Variants in ZDHHC13 observed in about 807,000 individuals in gnomAD.
ZDHHC13 encodes palmitoyltransferase ZDHHC13.
In ZDHHC13, 85 loss-of-function variants were observed where a neutral mutation model predicts 86.0. The ratio of observed to expected loss-of-function variants is 0.99; its 90% CI spans 0.83 to 1.18. The LOEUF (loss-of-function observed/expected upper bound fraction) is 1.18, where lower values mean the gene tolerates loss of function less well. Among genes scored for constraint, ZDHHC13 ranks in the 50% most tolerant of loss-of-function variants. The pLI, the probability that ZDHHC13 is intolerant of heterozygous loss-of-function variation, is 0.00. For synonymous variants in ZDHHC13, 263 were observed against 246.4 expected, an observed-to-expected ratio of 1.07 and a Z score of -0.63; for missense variants, 711 against 730.2, an observed-to-expected ratio of 0.97 and a Z score of 0.30.
Position 19,163,404 on chromosome 11 carries a change from G to A in ZDHHC13, c.1210G>A (p.Ala404Thr), listed in dbSNP as rs183284767. The change falls in exon 11 of 17, where the codon GCT (alanine) becomes ACT (threonine). Residue 404 changes from alanine (A) to threonine (T), a missense_variant. Physicochemically the swap from Ala to Thr is moderately conservative, Grantham distance 58 (BLOSUM62 0). Coordinates refer to ENST00000446113, the MANE Select transcript of ZDHHC13 (RefSeq NM_019028.3). Reference protein sequence around the residue: ...TWATDPGFTKASEEEKKVNII... With the variant: ...TWATDPGFTKTSEEEKKVNII... Reference sequence around the variant, plus strand: ...GGCAACTGATCCAGGCTTCACTAAGGCTTCTGAAGAAGAAAAGAAAGTGGT... The same window carrying A: ...GGCAACTGATCCAGGCTTCACTAAGACTTCTGAAGAAGAAAAGAAAGTGGT... 8.5e-3 allele frequency: 13,658 copies of A among 1,597,988 alleles called. 90 individuals are homozygous for A. Among genetic ancestry groups the A allele is most frequent in the Non-Finnish European group, 0.01 (12,044 of 1,174,320 alleles).
intron 1 of ZDHHC13, among the ~76,000 whole-genome samples, chr11:19,123,229 A>G (rs762553453): frequency 1.3e-5 from 2 of 152,228 alleles, no homozygotes; most frequent in Non-Finnish European, 2.9e-5. Flanking sequence ...AACTTTATAC[A>G]TGAAAAATAA....
intron 1 of ZDHHC13, among the ~76,000 whole-genome samples, chr11:19,124,169 T>C (rs924721955): frequency 2.6e-5 from 4 of 151,932 alleles, no homozygotes; most frequent in African/African-American, 4.8e-5. Flanking sequence ...AATGGAACAA[T>C]AGTGAAATAT....
In ZDHHC13 at chr11:19,175,833, T is replaced by C. The variant is rs1850348933; in HGVS notation, c.1742T>C (p.Met581Thr). ...TTTTTTCTTGGCAGTCTTGGATTCA[T>C]GCAGAACCTGGCAGATTTCTTTCAG... is the stretch of plus-strand genomic sequence containing the variant. Reference protein sequence around the residue: ...LRKTPYNLGFMQNLADFFQCG... With the variant: ...LRKTPYNLGFTQNLADFFQCG... The change falls in exon 17 of 17, where the codon ATG becomes ACG. Residue 581 changes from methionine (M) to threonine (T), a missense_variant. Transcript: ENST00000446113. The C allele has an allele frequency of 6.2e-7, 1 of 1,612,836 alleles. No homozygotes were observed.
At chr11:19,161,888 T>G (rs1849920851) in intron 10 of ZDHHC13, among the ~76,000 whole-genome samples, 1 of 152,088 alleles carries the variant, frequency 6.6e-6, no homozygotes, top group Non-Finnish European at 1.5e-5. Flanking sequence ...AGCAAGTATA[T>G]TCTCACATAG....
intron 1 of ZDHHC13, among the ~76,000 whole-genome samples, chr11:19,139,614 C>A (rs1249544999): frequency 3.3e-5 from 5 of 151,452 alleles, no homozygotes; most frequent in Non-Finnish European, 7.4e-5. Flanking sequence ...CAAGTCAATC[C>A]TAAGCCAAAA....
chr11:19,123,002 C>A (rs964150797), intron 1 of ZDHHC13, among the ~76,000 whole-genome samples: 20 of 152,136 alleles, frequency 1.3e-4, no homozygotes, highest in African/African-American at 4.6e-4. Context: ...TTAAAGTTGC[C>A]ATTTAATCAT....
chr11:19,152,136 G>C (rs1306135697), intron 6 of ZDHHC13, 22 bp from the exon 7 acceptor site: 1 of 1,607,130 alleles, frequency 6.2e-7, no homozygotes. Context: ...ATGCCTCTTG[G>C]TATTTTATTA....
chr11:19,152,078 TA>T, intron 6 of ZDHHC13, 79 bp from the exon 7 acceptor site: 1 of 1,460,218 alleles, frequency 6.8e-7, no homozygotes, highest in Non-Finnish European at 9.3e-7. Flanking sequence ...GGCATTATCT[TA>T]AAAGATTCAT....
At chr11:19,166,612 A>T (rs768898877) in intron 14 of ZDHHC13, 2 of 352,522 alleles carry the variant, frequency 5.7e-6, no homozygotes, top group Non-Finnish European at 1.0e-5. Context: ...TTTGAAAAGT[A>T]GTCAAAAATA....
At chr11:19,137,790 A>G (rs1470568547) in intron 1 of ZDHHC13, among the ~76,000 whole-genome samples, 11 of 149,564 alleles carry the variant, frequency 7.4e-5, no homozygotes, top group South Asian at 2.1e-4. Flanking sequence ...TGGAAACTGA[A>G]CAACCTGCTC....
chr11:19,131,961 C>T (rs1849010883), intron 1 of ZDHHC13, among the ~76,000 whole-genome samples: 1 of 152,202 alleles, frequency 6.6e-6, no homozygotes, highest in Non-Finnish European at 1.5e-5. Flanking sequence ...TTTGTCATAT[C>T]TTCAATTTCT....
chr11:19,143,204 A>G, intron 2 of ZDHHC13, 81 bp downstream of exon 2: 1 of 1,427,492 alleles, frequency 7.0e-7, no homozygotes, highest in South Asian at 1.4e-5. Flanking sequence ...GGAGCTTCAT[A>G]TGTTTACCTC....
chr11:19,155,410 G>A (rs1182585346), intron 8 of ZDHHC13, among the ~76,000 whole-genome samples: 5 of 151,952 alleles, frequency 3.3e-5, no homozygotes, highest in East Asian at 1.9e-4. Context: ...GTGAAACCCC[G>A]TCTCTACTAA....
At chr11:19,169,209 A>G in intron 14 of ZDHHC13, 2 of 985,390 alleles carry the variant, frequency 2.0e-6, no homozygotes, top group Non-Finnish European at 2.4e-6. Flanking sequence ...CCCAATCAAC[A>G]GCTGTTTTCT....
At chr11:19,160,819 G>T (rs952896710) in intron 10 of ZDHHC13, among the ~76,000 whole-genome samples, 1 of 151,584 alleles carries the variant, frequency 6.6e-6, no homozygotes, top group African/African-American at 2.4e-5. Context: ...AGTTTTTTTT[G>T]TTTGTTTTTG....
chr11:19,149,835 T>C (rs1467578648), intron 5 of ZDHHC13, among the ~76,000 whole-genome samples: 1 of 152,228 alleles, frequency 6.6e-6, no homozygotes, highest in Non-Finnish European at 1.5e-5. Context: ...TCAATTATAC[T>C]TGCCTGGAAT....
chr11:19,155,549 C>G (rs956232615), intron 8 of ZDHHC13, among the ~76,000 whole-genome samples: 4 of 146,658 alleles, frequency 2.7e-5, no homozygotes, highest in Non-Finnish European at 5.9e-5. Flanking sequence ...CCATTGTGCT[C>G]CAGCCTGGGC....
At chr11:19,124,540 T>G (rs1251225074) in intron 1 of ZDHHC13, among the ~76,000 whole-genome samples, 1 of 152,156 alleles carries the variant, frequency 6.6e-6, no homozygotes, top group Non-Finnish European at 1.5e-5. Context: ...TACACTGATT[T>G]TTTTTGTCAA....
chr11:19,140,603 A>G (rs1207778387), intron 1 of ZDHHC13, among the ~76,000 whole-genome samples: 1 of 152,134 alleles, frequency 6.6e-6, no homozygotes, highest in Non-Finnish European at 1.5e-5. Flanking sequence ...GCTGCTATAA[A>G]GACACATGCA....
Sources: allele counts gnomAD v4.1 joint callset (sites outside exome capture counted in the v4.1 genomes callset), GRCh38; gene constraint gnomAD v4.1.1; transcripts MANE v1.5; gene names NCBI Gene and HGNC (gene_info 2026-07-23, HGNC 2026-07-21).